The following SH3D21 variants were observed in gnomAD, a reference collection of about 807,000 sequenced individuals.
The protein encoded by SH3D21 is SH3 domain-containing protein 21.
In SH3D21, 83 loss-of-function variants were observed where a neutral mutation model predicts 82.1. That is an observed-to-expected ratio of 1.01 (90% CI 0.85 to 1.21). SH3D21 has a LOEUF of 1.21. Among genes scored for constraint, SH3D21 ranks in the 50% most tolerant of loss-of-function variants. The pLI is 0.00. For missense variants in SH3D21, 980 were observed against 962.1 expected (o/e 1.02, Z -0.25); for synonymous variants, 383 against 387.8 (o/e 0.99, Z 0.15).
In SH3D21 at chr1:36,307,775, G is replaced by A; in HGVS notation, c.442G>A (p.Gly148Ser). 2.6e-6 allele frequency: 4 copies of A among 1,551,716 alleles called. No homozygotes were observed. The highest frequency in any genetic ancestry group is 1.2e-5 in the South Asian group (1 of 84,028). ...ELLDSGPPSL[G>S]NPDMPSVSPG... ...ACCTCACTGTCCCCCACTAGGCCTT[G>A]GTAACCCAGACATGCCTTCAGTCAG... The change falls in exon 6 of 16, where the codon GGT (glycine) becomes AGT (serine). Residue 148 changes from glycine to serine, a missense_variant. Transcript: ENST00000453908. This position sits in a 1 kb window ranked among gnomAD's most constrained non-coding sequence, Gnocchi z 5.4.
intron 10 of SH3D21, among the ~76,000 whole-genome samples, chr1:36,318,609 C>T (rs1646383661): frequency 1.3e-5 from 2 of 151,020 alleles, no homozygotes; most frequent in African/African-American, 4.9e-5. Flanking sequence ...CCCGTCTCTA[C>T]TAAAAATACA....
In SH3D21 at chr1:36,306,811, G is replaced by A. The variant is rs1412917233; in HGVS notation, c.163-31G>A. On this transcript the variant is annotated intron_variant, in intron 2 of 15. Transcript: ENST00000453908. The surrounding 1 kb of genome is among the most constrained non-coding windows in gnomAD (Gnocchi z 4.5). Reference sequence around the variant, plus strand: ...TCTCAGCGCGCGCCCCCCGGGAGCTGAGAGCGCCTTCCCCGTGCCCTGATT... The same window carrying A: ...TCTCAGCGCGCGCCCCCCGGGAGCTAAGAGCGCCTTCCCCGTGCCCTGATT... The A allele has an allele frequency of 1.5e-6, 2 of 1,293,956 alleles. No individual in the cohort carries two copies. Among genetic ancestry groups the A allele is most frequent in the Non-Finnish European group, 2.0e-6 (2 of 988,502 alleles). 80.2% of individuals were successfully genotyped at this position (1,293,956 alleles called of 1,614,324 possible).
intron 9 of SH3D21, among the ~76,000 whole-genome samples, chr1:36,309,187 A>G (rs926465584): frequency 2.0e-5 from 3 of 151,218 alleles, no homozygotes; most frequent in Admixed American, 2.0e-4. Flanking sequence ...ATTTTGGAGC[A>G]TTTTAGATTT....
downstream of SH3D21, among the ~76,000 whole-genome samples, chr1:36,325,978 G>A (rs1646539975): frequency 6.6e-6 from 1 of 152,234 alleles, no homozygotes; most frequent in Non-Finnish European, 1.5e-5. Flanking sequence ...GGGCATGACA[G>A]GATAGGGTAA....
At position 36,306,715 on chromosome 1, in the gene SH3D21, T is replaced by A; in HGVS notation, c.122T>A (p.Phe41Tyr). The A allele has an allele frequency of 7.7e-7, 1 of 1,292,786 alleles. No individual in the cohort carries two copies. Among genetic ancestry groups the A allele is most frequent in the Non-Finnish European group, 1.0e-6 (1 of 987,526 alleles). The allele number at this position is 1,292,786 out of a possible 1,614,324, so 80.1% of individuals were successfully genotyped here. Residue 41 changes from phenylalanine (F) to tyrosine (Y), a missense_variant, in exon 2 of 16, where the codon TTT (phenylalanine) becomes TAT (tyrosine). Physicochemically the swap from Phe to Tyr is conservative, Grantham distance 22 (BLOSUM62 3). Coordinates refer to ENST00000453908, the MANE Select transcript of SH3D21 (RefSeq NM_001162530.2). The surrounding 1 kb of genome is among the most constrained non-coding windows in gnomAD (Gnocchi z 4.5). ...GCGCGGGGCTGGCTTCGCGGAGAGT[T>A]TGGGGGCCGCTATGGCCTCTTCCCC... is the stretch of plus-strand genomic sequence containing the variant. ...VPARGWLRGEFGGRYGLFPER... is the reference protein window; with the variant it reads ...VPARGWLRGEYGGRYGLFPER...
Position 36,318,110 on chromosome 1 carries a change from C to G in SH3D21, c.770-961C>G, listed in dbSNP as rs191582082. Among the ~76,000 whole-genome samples, 71 of 152,196 alleles carry G rather than the reference C, an allele frequency of 4.7e-4. 1 individual carries two copies. The highest frequency in any genetic ancestry group is 4.6e-3 in the Admixed American group (71 of 15,294). ...GGAGGTGGTGACAAGTGATTGACTT[C>G]AGGAAATATTTGGACAGTAGTGTGG... On this transcript the variant is annotated intron_variant, in intron 10 of 15. Transcript: ENST00000453908.
chr1:36,322,387 A>G, downstream of SH3D21: 3 of 1,596,580 alleles, frequency 1.9e-6, no homozygotes, highest in Non-Finnish European at 2.5e-6. Context: ...CCGGTGCGCC[A>G]GATCTCCCGC....
chr1:36,318,810 G>A (rs1369395773), intron 10 of SH3D21, among the ~76,000 whole-genome samples: 1 of 151,910 alleles, frequency 6.6e-6, no homozygotes, highest in Non-Finnish European at 1.5e-5. Flanking sequence ...TCGGGAGGCT[G>A]AGGCAGAAGA....
chr1:36,319,848 G>T lies in SH3D21; in HGVS notation c.1185G>T (p.Lys395Asn). ...AGAAGACCCTCACTCTAGGGGACAA[G>T]GCCTCTATCCCAGGGAACTCCACCT... Reference protein sequence around the residue: ...SPEKTLTLGDKASIPGNSTSG... With the variant: ...SPEKTLTLGDNASIPGNSTSG... The change falls in exon 14 of 16, where the codon AAG (lysine) becomes AAT (asparagine). Residue 395 changes from lysine to asparagine, a missense_variant. Lys to Asn is a moderately conservative substitution (Grantham distance 94). Transcript: ENST00000453908. 1 of 1,613,838 alleles carries T rather than the reference G, an allele frequency of 6.2e-7. No individual in the cohort carries two copies. The highest frequency in any genetic ancestry group is 8.5e-7 in the Non-Finnish European group (1 of 1,179,910).
chr1:36,309,416 C>T (rs975987785), intron 9 of SH3D21, 132 bp from the exon 10 acceptor site: 26 of 1,014,728 alleles, frequency 2.6e-5, no homozygotes, highest in African/African-American at 1.9e-4. Flanking sequence ...AAGCTGGTCT[C>T]GAACTTCTGT....
chr1:36,319,997 C>G lies in SH3D21; in HGVS notation c.1334C>G (p.Ser445Cys). The G allele has an allele frequency of 6.2e-7, 1 of 1,614,158 alleles. No individual in the cohort carries two copies. Among genetic ancestry groups the G allele is most frequent in the Non-Finnish European group, 8.5e-7 (1 of 1,180,026 alleles). The change falls in exon 14 of 16, where the codon TCC becomes TGC. Residue 445 changes from serine (S) to cysteine (C), a missense_variant. Coordinates refer to ENST00000453908, the MANE Select transcript of SH3D21 (RefSeq NM_001162530.2). ...PEETLTVDKP[S>C]TPERVFSVEE... ...GAGACCCTGACTGTGGACAAACCCT[C>G]CACTCCAGAGAGGGTCTTTTCAGTG...
Position 36,320,194 on chromosome 1 carries a change from G to A in SH3D21, c.1531G>A (p.Ala511Thr), listed in dbSNP as rs757147302. ...ATTCCATCACTTCTCTTCGGAGGAA[G>A]CCCTGCAGAAGGTCAAGTACTTTGT... ...IQFHHFSSEEALQKVKYFVAK... is the reference protein window; with the variant it reads ...IQFHHFSSEETLQKVKYFVAK... Residue 511 changes from alanine (A) to threonine (T), a missense_variant, in exon 14 of 16, where the codon GCC (alanine) becomes ACC (threonine). Ala to Thr is a moderately conservative substitution (Grantham distance 58). Transcript: ENST00000453908. The A allele has an allele frequency of 1.2e-6, 2 of 1,613,336 alleles. No individual in the cohort carries two copies. Among genetic ancestry groups the A allele is most frequent in the Admixed American group, 1.7e-5 (1 of 60,008 alleles).
chr1:36,316,428 T>G (rs1402638804), intron 10 of SH3D21, among the ~76,000 whole-genome samples: 1 of 152,150 alleles, frequency 6.6e-6, no homozygotes, highest in African/African-American at 2.4e-5. Context: ...AGAGATGAGG[T>G]TTCACCATGT....
At position 36,306,617 on chromosome 1, in the gene SH3D21, A is replaced by G. The variant is rs1428311350; in HGVS notation, c.24A>G (p.Gly8=). The part of the protein sequence containing the change: MEVLVLA[G]YRAQKEDELS... ...CCGCAGAAGTCCTCGTCCTGGCCGG[A>G]TACCGCGCGCAGAAGGAGGACGAGC... Residue 8 remains glycine (G), a synonymous_variant, in exon 2 of 16, where the codon GGA becomes GGG. Transcript: ENST00000453908. The surrounding 1 kb of genome is among the most constrained non-coding windows in gnomAD (Gnocchi z 4.5). 9.2e-6 allele frequency: 12 copies of G among 1,302,560 alleles called. No homozygotes were observed. The highest frequency in any genetic ancestry group is 1.2e-5 in the Non-Finnish European group (12 of 988,722). The allele number at this position is 1,302,560 out of a possible 1,614,324, so 80.7% of individuals were successfully genotyped here.
downstream of SH3D21, chr1:36,322,577 G>C (rs749064456): frequency 1.3e-6 from 2 of 1,582,198 alleles, no homozygotes; most frequent in Non-Finnish European, 1.7e-6. Flanking sequence ...CGGGCTCCAG[G>C]GTGCTGCTGC....
intron 10 of SH3D21, among the ~76,000 whole-genome samples, chr1:36,317,303 G>A (rs1042240291): frequency 4.6e-5 from 7 of 152,214 alleles, no homozygotes; most frequent in African/African-American, 1.7e-4. Context: ...AGCAAGGAGT[G>A]GAGCTGAAAT....
downstream of SH3D21, chr1:36,321,651 T>C (rs895538279): frequency 3.5e-5 from 36 of 1,016,732 alleles, no homozygotes; most frequent in Admixed American, 5.1e-5. The surrounding 1 kb of genome is among the most constrained non-coding windows in gnomAD (Gnocchi z 6.1). Flanking sequence ...CAAGCACGCA[T>C]GCTTACACCG....
downstream of SH3D21, chr1:36,328,052 C>A: frequency 2.1e-6 from 1 of 469,140 alleles, no homozygotes; most frequent in Non-Finnish European, 4.2e-6. Context: ...GACTTATCTG[C>A]TGTCTGCTCA....
downstream of SH3D21, chr1:36,323,191 CT>C (rs1646497830): frequency 2.5e-6 from 2 of 794,798 alleles, no homozygotes; most frequent in African/African-American, 3.7e-5. Context: ...GCTTCCCTAA[CT>C]TCGTGGCGGC....
Sources: gnomAD v4.1 joint callset for allele counts (sites outside exome capture counted in the v4.1 genomes callset) on GRCh38, gnomAD v4.1.1 for gene constraint, Gnocchi (gnomAD v3.1) non-coding constraint, MANE v1.5 for transcripts, NCBI Gene and HGNC (gene_info 2026-07-23, HGNC 2026-07-21) for gene names.